MRPS31: variants seen among roughly 807,000 people sequenced by gnomAD.
The protein encoded by MRPS31 is small ribosomal subunit protein mS31.
Under a neutral mutation model 43.1 loss-of-function variants are expected in MRPS31, and 32 were observed. That is an observed-to-expected ratio of 0.74 (90% CI 0.56 to 1.00). The LOEUF is 1.00. Among genes scored for constraint, MRPS31 ranks in the 50% least tolerant of loss-of-function variants. The pLI, the probability that MRPS31 is intolerant of heterozygous loss-of-function variation, is 0.00. For synonymous variants in MRPS31, 165 were observed against 161.6 expected (o/e 1.02, Z -0.16); for missense variants, 437 against 466.7 (o/e 0.94, Z 0.59).
intron 6 of MRPS31, among the ~76,000 whole-genome samples, chr13:40,738,166 G>A (rs1318071788): frequency 9.2e-5 from 14 of 151,796 alleles, no homozygotes; most frequent in East Asian, 3.9e-4. Flanking sequence ...ACACCTCTAC[G>A]CAAATAAACT....
intron 1 of MRPS31, among the ~76,000 whole-genome samples, chr13:40,768,438 A>AT (rs1880910873): frequency 7.1e-5 from 10 of 141,406 alleles, no homozygotes; most frequent in East Asian, 2.2e-4. Flanking sequence ...TATGCATAAA[A>AT]ATTTTTTTTT....
chr13:40,758,969 T>A lies in MRPS31; in HGVS notation c.578A>T (p.Asp193Val). ...QHEEESRAQR[D>V]AKRPKISFSN... ...TCACCTAATTTTAGGTCGCTTTGCA[T>A]CTCTCTGTGCCCTTGACTCTTCCTC... Residue 193 changes from aspartate (D) to valine (V), a missense_variant, in exon 3 of 7, where the codon GAT becomes GTT. Physicochemically the swap from Asp to Val is radical, Grantham distance 152 (BLOSUM62 -3). Coordinates refer to ENST00000323563, the MANE Select transcript of MRPS31 (RefSeq NM_005830.4). The A allele has an allele frequency of 6.3e-7, 1 of 1,589,892 alleles. No homozygotes were observed. The highest frequency in any genetic ancestry group is 8.5e-7 in the Non-Finnish European group (1 of 1,171,350).
intron 6 of MRPS31, among the ~76,000 whole-genome samples, chr13:40,735,415 G>C (rs1411828987): frequency 6.6e-6 from 1 of 152,210 alleles, no homozygotes; most frequent in Non-Finnish European, 1.5e-5. Flanking sequence ...AGCTCGAACT[G>C]GGTGGAGCCC....
Position 40,766,606 on chromosome 13 carries a change from T to C in MRPS31, c.440+140A>G, listed in dbSNP as rs77898965. 4 of 898,532 alleles carry C rather than the reference T, an allele frequency of 4.5e-6. No individual in the cohort carries two copies. The African/African-American group carries it at 5.1e-5, about 11-fold the overall frequency. 55.7% of individuals were successfully genotyped at this position (898,532 alleles called of 1,614,324 possible). A position where few individuals can be genotyped will look rare whatever the true frequency, so the allele number is the denominator to read the frequency against. ...CACCATGCCCAGCCTCGAGTAATTA[T>C]TAGAGTCCCTGTGTTTACAAGCTGA... On this transcript the variant is annotated intron_variant, in intron 2 of 6. Transcript: ENST00000323563.
intron 6 of MRPS31, among the ~76,000 whole-genome samples, chr13:40,732,673 G>C (rs906879270): frequency 6.6e-6 from 1 of 152,098 alleles, no homozygotes; most frequent in Admixed American, 6.6e-5. Context: ...AGGAGTTTGA[G>C]GCTGCAGTAA....
intron 2 of MRPS31, among the ~76,000 whole-genome samples, chr13:40,760,744 A>G (rs1391933373): frequency 6.6e-6 from 1 of 151,428 alleles, no homozygotes; most frequent in African/African-American, 2.4e-5. Context: ...CTGTGACTAT[A>G]GCCAACTGCC....
intron 1 of MRPS31, among the ~76,000 whole-genome samples, chr13:40,770,030 TTATAA>T (rs1880963384): frequency 6.6e-6 from 1 of 152,210 alleles, no homozygotes; most frequent in African/African-American, 2.4e-5. Flanking sequence ...TTTCTAAAAA[TTATAA>T]TATATGGAAA....
intron 2 of MRPS31, among the ~76,000 whole-genome samples, chr13:40,762,172 G>A (rs1409424846): frequency 6.6e-6 from 1 of 152,014 alleles, no homozygotes; most frequent in Non-Finnish European, 1.5e-5. Flanking sequence ...CTTGAGCCCA[G>A]AGGTAGAGGC....
At chr13:40,761,388 C>T (rs1219446019) in intron 2 of MRPS31, among the ~76,000 whole-genome samples, 2 of 152,134 alleles carry the variant, frequency 1.3e-5, no homozygotes, top group Non-Finnish European at 2.9e-5. Flanking sequence ...TCATAAACTA[C>T]TTGTGAACTT....
chr13:40,738,797 A>G (rs1879998468), intron 6 of MRPS31, among the ~76,000 whole-genome samples: 1 of 152,234 alleles, frequency 6.6e-6, no homozygotes, highest in Admixed American at 6.5e-5. Context: ...TCAAAATAAT[A>G]AGAGATATCT....
rs146322897 is a variant in MRPS31 at position 40,729,586 on chromosome 13, C to T, written c.974G>A (p.Gly325Asp). The change falls in exon 7 of 7, where the codon GGT (glycine) becomes GAT (aspartate). Residue 325 changes from glycine (G) to aspartate (D), a missense_variant. Gly to Asp is a moderately conservative substitution (Grantham distance 94). Transcript: ENST00000323563. ...AAATATATGTTCATGAAATTCTGAA[C>T]CATCATCATCAAAACCTAGGAAATG... is the stretch of plus-strand genomic sequence containing the variant. Reference protein sequence around the residue: ...INNEAGFDDDGSEFHEHIFLE... With the variant: ...INNEAGFDDDDSEFHEHIFLE... The T allele has an allele frequency of 8.1e-6, 13 of 1,611,560 alleles. No homozygotes were observed. The African/African-American group carries it at 1.7e-4, about 22-fold the overall frequency.
intron 6 of MRPS31, among the ~76,000 whole-genome samples, chr13:40,736,743 TCAC>T (rs1471109100): frequency 1.4e-5 from 2 of 147,842 alleles, no homozygotes; most frequent in Non-Finnish European, 3.0e-5. Context: ...AGAGATTTTG[TCAC>T]CACCAGGCCT....
chr13:40,763,264 G>A (rs1880752637), intron 2 of MRPS31, among the ~76,000 whole-genome samples: 1 of 152,156 alleles, frequency 6.6e-6, no homozygotes, highest in Non-Finnish European at 1.5e-5. Flanking sequence ...GCAGCCTTGG[G>A]TCTCCTTCTC....
chr13:40,756,966 G>A lies in MRPS31; in HGVS notation c.647C>T (p.Ala216Val), dbSNP rs781452553. 6.2e-7 allele frequency: 1 copy of A among 1,613,122 alleles called. No homozygotes were observed. The highest frequency in any genetic ancestry group is 1.1e-5 in the South Asian group (1 of 90,934). ...AAGCTCTGGTCTTGAACGAACTCTA[G>A]CTGTAGCAGATCTGGCAACTTTCAT... The part of the protein sequence containing the change: ...SDMKVARSAT[A>V]RVRSRPELRI... Residue 216 changes from alanine (A) to valine (V), a missense_variant, in exon 4 of 7, where the codon GCT (alanine) becomes GTT (valine). Transcript: ENST00000323563.
intron 6 of MRPS31, among the ~76,000 whole-genome samples, chr13:40,736,334 G>C (rs985123757): frequency 6.6e-6 from 1 of 151,908 alleles, no homozygotes; most frequent in South Asian, 2.1e-4. Context: ...TGGGGAGAAT[G>C]GAACCAAGTT....
chr13:40,743,629 T>C (rs1694509834), intron 6 of MRPS31, among the ~76,000 whole-genome samples: 1 of 152,104 alleles, frequency 6.6e-6, no homozygotes, highest in African/African-American at 2.4e-5. Context: ...ATCCGGGCAA[T>C]GCAAATCAAA....
chr13:40,735,061 G>C (rs1036149668), intron 6 of MRPS31, among the ~76,000 whole-genome samples: 1 of 152,236 alleles, frequency 6.6e-6, no homozygotes, highest in Non-Finnish European at 1.5e-5. Context: ...AGTGGGCGCA[G>C]GTCAGTGGGT....
chr13:40,760,148 A>C (rs898052689), intron 2 of MRPS31, among the ~76,000 whole-genome samples: 6 of 151,542 alleles, frequency 4.0e-5, no homozygotes, highest in Admixed American at 6.6e-5. Context: ...AAAAAAAAAA[A>C]AAAAAAAACT....
At chr13:40,762,239 G>C (rs1018795697) in intron 2 of MRPS31, among the ~76,000 whole-genome samples, 3 of 152,072 alleles carry the variant, frequency 2.0e-5, no homozygotes, top group African/African-American at 7.2e-5. Context: ...ATCAAAAAAT[G>C]AAAGAAAAGA....
Sources: gnomAD v4.1 joint callset for allele counts (sites outside exome capture counted in the v4.1 genomes callset) on GRCh38, gnomAD v4.1.1 for gene constraint, MANE v1.5 for transcripts, NCBI Gene and HGNC (gene_info 2026-07-23, HGNC 2026-07-21) for gene names.